Variants in PDIA5 observed in about 807,000 individuals in gnomAD.
PDIA5 encodes protein disulfide-isomerase A5.
Under a neutral mutation model 77.6 loss-of-function variants are expected in PDIA5, and 58 were observed. The observed-to-expected ratio is 0.75, with a 90% confidence interval of 0.61 to 0.93. The LOEUF is 0.93. PDIA5 is among the 40% of genes least tolerant of loss of function. The pLI, the probability that PDIA5 is intolerant of heterozygous loss-of-function variation, is 0.00. For missense variants in PDIA5, 630 were observed against 647.7 expected, an observed-to-expected ratio of 0.97 and a Z score of 0.30; for synonymous variants, 250 against 252.1, an observed-to-expected ratio of 0.99 and a Z score of 0.08.
At chr3:123,158,541 G>A (rs1166185696) in intron 15 of PDIA5, among the ~76,000 whole-genome samples, 3 of 152,200 alleles carry the variant, frequency 2.0e-5, no homozygotes, top group African/African-American at 4.8e-5. Context: ...CCAAGGCTCA[G>A]TCCCACAGGA....
chr3:123,102,901 C>T, intron 5 of PDIA5, 105 bp downstream of exon 5: 1 of 754,618 alleles, frequency 1.3e-6, no homozygotes, highest in Non-Finnish European at 2.4e-6. Flanking sequence ...GCACAAATAG[C>T]TCTTCTAAAT....
intron 5 of PDIA5, among the ~76,000 whole-genome samples, chr3:123,106,365 A>T (rs1192056404): frequency 6.6e-6 from 1 of 152,256 alleles, no homozygotes; most frequent in Non-Finnish European, 1.5e-5. Flanking sequence ...TCCATTAGTC[A>T]GAAAGACTTC....
In PDIA5 at chr3:123,130,488, C is replaced by T. The variant is rs771314795; in HGVS notation, c.782C>T (p.Pro261Leu). 4.3e-5 allele frequency: 69 copies of T among 1,613,372 alleles called. No individual in the cohort carries two copies. Among genetic ancestry groups the T allele is most frequent in the Middle Eastern group, 3.3e-4 (2 of 6,078 alleles). The change falls in exon 11 of 17, where the codon CCG becomes CTG. Residue 261 changes from proline (P) to leucine (L), a missense_variant. By Grantham distance (98) the Pro-to-Leu change is moderately conservative. Transcript: ENST00000316218. ...DIVEWLKNPQ[P>L]PQPQVPETPW... Reference sequence around the variant, plus strand: ...TGTTTTTGGTCTTCCAGTCCGCAGCCGCCACAGCCCCAGGTCCCTGAGACT... The same window carrying T: ...TGTTTTTGGTCTTCCAGTCCGCAGCTGCCACAGCCCCAGGTCCCTGAGACT...
chr3:123,151,935 T>C (rs1225820045), intron 14 of PDIA5, among the ~76,000 whole-genome samples: 1 of 126,568 alleles, frequency 7.9e-6, no homozygotes, highest in African/African-American at 3.2e-5. Flanking sequence ...CTTCCTGCCT[T>C]CCTTCCTGCC....
At chr3:123,093,864 G>A (rs1934362491) in intron 3 of PDIA5, among the ~76,000 whole-genome samples, 1 of 152,158 alleles carries the variant, frequency 6.6e-6, no homozygotes, top group Admixed American at 6.5e-5. Context: ...AATACCACGC[G>A]CTCACAGTGC....
intron 8 of PDIA5, among the ~76,000 whole-genome samples, chr3:123,120,098 T>C (rs1935075396): frequency 1.3e-5 from 2 of 152,198 alleles, no homozygotes; most frequent in South Asian, 2.1e-4. Flanking sequence ...ATGAGCCCTG[T>C]CTCCATCTGC....
chr3:123,135,855 C>T (rs1156484643), intron 11 of PDIA5, among the ~76,000 whole-genome samples: 2 of 133,824 alleles, frequency 1.5e-5, no homozygotes, highest in East Asian at 2.2e-4. Flanking sequence ...ACCATAAAAT[C>T]GACCTTTTTT....
intron 7 of PDIA5, among the ~76,000 whole-genome samples, 199 bp downstream of exon 7, chr3:123,111,203 T>C (rs941066782): frequency 3.3e-5 from 5 of 152,206 alleles, no homozygotes; most frequent in African/African-American, 9.7e-5. Flanking sequence ...CTGTCTGCCC[T>C]GCATTCTGTC....
intron 3 of PDIA5, among the ~76,000 whole-genome samples, chr3:123,096,946 G>T (rs972648514): frequency 6.6e-6 from 1 of 152,206 alleles, no homozygotes; most frequent in South Asian, 2.1e-4. Context: ...CCGAGGCTGC[G>T]TCTCACAGGG....
At chr3:123,138,004 G>A (rs1935541701) in intron 11 of PDIA5, among the ~76,000 whole-genome samples, 1 of 152,156 alleles carries the variant, frequency 6.6e-6, no homozygotes, top group East Asian at 1.9e-4. Flanking sequence ...GGAATGCAGT[G>A]GCATAATCAT....
chr3:123,098,253 C>T (rs540499726), intron 3 of PDIA5, among the ~76,000 whole-genome samples: 16 of 152,292 alleles, frequency 1.1e-4, no homozygotes, highest in South Asian at 1.0e-3. Context: ...AATGGCAGAG[C>T]CAGATGTTGA....
Position 123,160,536 on chromosome 3 carries a change from C to A in PDIA5, c.1345-785C>A, listed in dbSNP as rs1202482394. Reference sequence around the variant, plus strand: ...TGGCGAATCATACAGAGCGCCTTTGCCCCACTCACCTGGCACCTGGACCAC... The same window carrying A: ...TGGCGAATCATACAGAGCGCCTTTGACCCACTCACCTGGCACCTGGACCAC... On this transcript the variant is annotated intron_variant, in intron 15 of 16. Coordinates refer to ENST00000316218, the MANE Select transcript of PDIA5 (RefSeq NM_006810.4). 2.0e-5 allele frequency among the ~76,000 whole-genome samples: 3 copies of A among 152,192 alleles called. No individual in the cohort carries two copies. The East Asian group carries it at 5.8e-4, about 29-fold the overall frequency.
At chr3:123,159,009 C>T (rs760387450) in intron 15 of PDIA5, among the ~76,000 whole-genome samples, 4 of 152,196 alleles carry the variant, frequency 2.6e-5, no homozygotes, top group East Asian at 3.8e-4. Flanking sequence ...TCCATGTGTG[C>T]GGCTGGCAGC....
chr3:123,119,922 G>T (rs952510469), intron 8 of PDIA5, among the ~76,000 whole-genome samples: 3 of 152,152 alleles, frequency 2.0e-5, no homozygotes, highest in African/African-American at 7.2e-5. Context: ...AGGAAGGAAG[G>T]CATGCCAGGT....
chr3:123,067,172 G>A lies in PDIA5; in HGVS notation c.8G>A (p.Arg3Gln). Reference sequence around the variant, plus strand: ...GTGGGCAGCGCTGCTGGGATGGCGCGGGCCGGGCCGGCGTGGCTGCTGCTG... The same window carrying A: ...GTGGGCAGCGCTGCTGGGATGGCGCAGGCCGGGCCGGCGTGGCTGCTGCTG... MA[R>Q]AGPAWLLLAI... is the part of the protein sequence containing the mutation. The change falls in exon 1 of 17, where the codon CGG (arginine) becomes CAG (glutamine). Residue 3 changes from arginine to glutamine, a missense_variant. By Grantham distance (43) the Arg-to-Gln change is conservative. Transcript: ENST00000316218. 1.6e-6 allele frequency: 2 copies of A among 1,246,530 alleles called. No homozygotes were observed. The highest frequency in any genetic ancestry group is 2.0e-6 in the Non-Finnish European group (2 of 990,392). The allele number at this position is 1,246,530 out of a possible 1,614,324, so 77.2% of individuals were successfully genotyped here.
At chr3:123,134,642 G>C (rs1276331318) in intron 11 of PDIA5, among the ~76,000 whole-genome samples, 1 of 152,128 alleles carries the variant, frequency 6.6e-6, no homozygotes, top group Non-Finnish European at 1.5e-5. Context: ...CTCCCAGCAA[G>C]AGCCCATTAG....
chr3:123,151,734 TCCTGCCTGCCTGCCTG>T (rs67239583), intron 14 of PDIA5, among the ~76,000 whole-genome samples: 3,749 of 111,406 alleles, frequency 0.034, 73 homozygotes, highest in African/African-American at 0.067. Context: ...ACTCCTTCCT[TCCTGCCTGCCTGCCTG>T]CCTGCCTGCC....
In PDIA5 at chr3:123,102,648, C is replaced by A. The variant is rs928988927; in HGVS notation, c.342-103C>A. 3.3e-5 allele frequency: 38 copies of A among 1,140,738 alleles called. No homozygotes were observed. In the East Asian group the frequency reaches 8.3e-4, roughly 25 times the overall value. The allele number at this position is 1,140,738 out of a possible 1,614,324, so 70.7% of individuals were successfully genotyped here. On this transcript the variant is annotated intron_variant, in intron 4 of 16. Transcript: ENST00000316218. ...ATTTCTTTTAAAAAAAAATCCTGAACTCCGTTCAAAAGCTGAATCTTATTA... is the reference window on the plus strand; with the variant it reads ...ATTTCTTTTAAAAAAAAATCCTGAAATCCGTTCAAAAGCTGAATCTTATTA...
chr3:123,125,231 G>A (rs1177603499), intron 10 of PDIA5, among the ~76,000 whole-genome samples: 3 of 152,226 alleles, frequency 2.0e-5, no homozygotes, highest in African/African-American at 7.2e-5. Context: ...GAGTATTTGT[G>A]CATATGTGCT....
Sources: gnomAD v4.1 joint callset for allele counts (sites outside exome capture counted in the v4.1 genomes callset) on GRCh38, gnomAD v4.1.1 for gene constraint, MANE v1.5 for transcripts, NCBI Gene and HGNC (gene_info 2026-07-23, HGNC 2026-07-21) for gene names.